The following STXBP5 variants were observed in gnomAD, a reference collection of about 807,000 sequenced individuals.
STXBP5 encodes syntaxin-binding protein 5.
A neutral mutation model predicts 152.4 loss-of-function variants in STXBP5; 50 were observed. That is an observed-to-expected ratio of 0.33 (90% CI 0.26 to 0.42). STXBP5 has a LOEUF of 0.42. STXBP5 is among the 10% of genes least tolerant of loss of function. The pLI is 1.00. For synonymous variants in STXBP5, 492 were observed against 494.7 expected (o/e 0.99, Z 0.07); for missense variants, 1,167 against 1,388.6 (o/e 0.84, Z 2.54).
intron 2 of STXBP5, among the ~76,000 whole-genome samples, chr6:147,234,534 TG>T (rs1000874100): frequency 6.6e-6 from 1 of 151,920 alleles, no homozygotes; most frequent in Non-Finnish European, 1.5e-5. Context: ...TCTGTTTAAG[TG>T]GGGGAAAATA....
At chr6:147,256,464 A>T (rs1349267227) in intron 4 of STXBP5, among the ~76,000 whole-genome samples, 6 of 152,156 alleles carry the variant, frequency 3.9e-5, no homozygotes. Context: ...AAGTGACCAA[A>T]TCCTGCACAC....
In STXBP5 at chr6:147,348,978, A is replaced by AT. The variant is rs1784468247; in HGVS notation, c.2255-4343dup. ...AAAAATGTTGCTTCTGACTATGGGC[A>AT]TTAATACTGACCTTTTTTCTGTTTC... is the stretch of plus-strand genomic sequence containing the variant. On this transcript the variant is annotated intron_variant, in intron 21 of 27. Transcript: ENST00000321680. Among the ~76,000 whole-genome samples the AT allele has an allele frequency of 2.6e-5, 4 of 152,312 alleles. No homozygotes were observed. In the South Asian group the frequency reaches 6.2e-4, roughly 24 times the overall value.
At chr6:147,287,453 C>T (rs918267843) in intron 8 of STXBP5, among the ~76,000 whole-genome samples, 2 of 151,970 alleles carry the variant, frequency 1.3e-5, no homozygotes, top group East Asian at 1.9e-4. Flanking sequence ...CCGCCCGCCT[C>T]GGCCTCCCAA....
At chr6:147,334,813 G>A (rs1162366679) in intron 19 of STXBP5, among the ~76,000 whole-genome samples, 1 of 151,860 alleles carries the variant, frequency 6.6e-6, no homozygotes, top group Non-Finnish European at 1.5e-5. Context: ...TTTTATTTTG[G>A]TGGATTGATC....
At chr6:147,249,086 G>A (rs994030454) in intron 4 of STXBP5, among the ~76,000 whole-genome samples, 1 of 152,164 alleles carries the variant, frequency 6.6e-6, no homozygotes, top group African/African-American at 2.4e-5. Flanking sequence ...TTCTTTCCCA[G>A]CACTTCCAGA....
chr6:147,227,459 C>T (rs1207904422), intron 2 of STXBP5, among the ~76,000 whole-genome samples: 2 of 152,104 alleles, frequency 1.3e-5, no homozygotes, highest in South Asian at 2.1e-4. Context: ...TTTTTTGATT[C>T]CTCAACTTTG....
chr6:147,349,866 C>T (rs1291400866), intron 21 of STXBP5, among the ~76,000 whole-genome samples: 1 of 152,148 alleles, frequency 6.6e-6, no homozygotes, highest in African/African-American at 2.4e-5. Context: ...TTAAATATTA[C>T]TTGATAGCTA....
rs1778812745 is a variant in STXBP5, at chr6:147,246,437, T to C, written c.431+7167T>C. ...TTTAATATTTTTACCTCTTGATTTA[T>C]ATAATGCTTTATTGTTTGTAAAACC... On this transcript the variant is annotated intron_variant, in intron 4 of 27. Transcript: ENST00000321680. 1.3e-5 allele frequency among the ~76,000 whole-genome samples: 2 copies of C among 152,210 alleles called. 1 individual carries two copies. The highest frequency in any genetic ancestry group is 4.1e-4 in the South Asian group (2 of 4,836).
intron 4 of STXBP5, among the ~76,000 whole-genome samples, chr6:147,241,012 GTCTC>G (rs1302513335): frequency 2.6e-5 from 4 of 152,150 alleles, no homozygotes; most frequent in African/African-American, 9.7e-5. Flanking sequence ...TCTTAGGTCT[GTCTC>G]TCTATTTCTA....
intron 22 of STXBP5, among the ~76,000 whole-genome samples, chr6:147,355,881 AT>A (rs1562265243): frequency 6.6e-6 from 1 of 152,170 alleles, no homozygotes; most frequent in Non-Finnish European, 1.5e-5. Context: ...CCAAACTTGT[AT>A]AAATAAGCCC....
chr6:147,339,327 T>C lies in STXBP5; in HGVS notation c.2207-10T>C, dbSNP rs757942108. The C allele has an allele frequency of 4.6e-6, 7 of 1,515,208 alleles. No homozygotes were observed. Among genetic ancestry groups the C allele is most frequent in the South Asian group, 1.3e-5 (1 of 75,904 alleles). The allele number at this position is 1,515,208 out of a possible 1,614,324, so 93.9% of individuals were successfully genotyped here. On this transcript the variant is annotated splice_polypyrimidine_tract_variant and intron_variant, in intron 20 of 27. Transcript: ENST00000321680. ...GATTTTGACATTTTATATCAAAATA[T>C]TGTTTTCAGTGAAGACCAAAAGCAG...
At chr6:147,226,018 G>A (rs1337599790) in intron 2 of STXBP5, among the ~76,000 whole-genome samples, 1 of 152,092 alleles carries the variant, frequency 6.6e-6, no homozygotes, top group Non-Finnish European at 1.5e-5. Flanking sequence ...TCTTACCTAA[G>A]AAGATATGAC....
At chr6:147,341,664 T>TGTGTGTGTGG (rs975311884) in intron 21 of STXBP5, among the ~76,000 whole-genome samples, 1 of 151,962 alleles carries the variant, frequency 6.6e-6, no homozygotes, top group African/African-American at 2.4e-5. Flanking sequence ...GGTGTCAGTT[T>TGTGTGTGTGG]GTGTGTGTGG....
intron 25 of STXBP5, among the ~76,000 whole-genome samples, chr6:147,371,251 T>C (rs1785526692): frequency 6.6e-6 from 1 of 152,130 alleles, no homozygotes. Flanking sequence ...AAAGCCTTAT[T>C]TAAATAGAAG....
At position 147,310,472 on chromosome 6, in the gene STXBP5, A is replaced by G. The variant is rs142770973; in HGVS notation, c.1072+234A>G. On this transcript the variant is annotated intron_variant, in intron 10 of 27. Transcript: ENST00000321680. ...TAAGAAACATTTTAAAATTCTGTTAAGATAGTAATGTATTAGTAAGGATTC... is the reference window on the plus strand; with the variant it reads ...TAAGAAACATTTTAAAATTCTGTTAGGATAGTAATGTATTAGTAAGGATTC... 3.8e-3 allele frequency among the ~76,000 whole-genome samples: 585 copies of G among 152,298 alleles called. 4 individuals carry two copies. Among genetic ancestry groups the G allele is most frequent in the Non-Finnish European group, 6.5e-3 (443 of 68,020 alleles).
intron 2 of STXBP5, among the ~76,000 whole-genome samples, chr6:147,232,884 G>T (rs1778073866): frequency 6.6e-6 from 1 of 151,738 alleles, no homozygotes; most frequent in Non-Finnish European, 1.5e-5. Context: ...CTTGACCTCT[G>T]TGTAACTGAC....
At chr6:147,331,994 G>C (rs773287406) in intron 18 of STXBP5, among the ~76,000 whole-genome samples, 8 of 152,112 alleles carry the variant, frequency 5.3e-5, no homozygotes, top group Non-Finnish European at 1.2e-4. Flanking sequence ...AATGAATTAA[G>C]CACTTAAAAC....
intron 7 of STXBP5, among the ~76,000 whole-genome samples, chr6:147,271,889 GA>G (rs1031800965): frequency 6.6e-6 from 1 of 151,642 alleles, no homozygotes; most frequent in African/African-American, 2.4e-5. Flanking sequence ...GAGTGGTGAG[GA>G]AAAAAAAGAC....
intron 16 of STXBP5, among the ~76,000 whole-genome samples, chr6:147,320,329 A>G (rs1782859738): frequency 6.6e-6 from 1 of 152,198 alleles, no homozygotes; most frequent in African/African-American, 2.4e-5. Context: ...CTGCCTTTGC[A>G]GCAGCAGAAA....
Sources: allele counts gnomAD v4.1 joint callset (sites outside exome capture counted in the v4.1 genomes callset), GRCh38; gene constraint gnomAD v4.1.1; transcripts MANE v1.5; gene names NCBI Gene and HGNC (gene_info 2026-07-23, HGNC 2026-07-21).